MERTK: variants seen among roughly 807,000 people sequenced by gnomAD.
The protein encoded by MERTK is tyrosine-protein kinase Mer.
Under a neutral mutation model 99.3 loss-of-function variants are expected in MERTK, and 69 were observed. The ratio of observed to expected loss-of-function variants is 0.70; its 90% confidence interval spans 0.57 to 0.85. The LOEUF is 0.85. MERTK is among the 40% of genes least tolerant of loss of function. MERTK has a pLI of 0.00. For synonymous variants in MERTK, 426 were observed against 467.6 expected (o/e 0.91, Z 1.15); for missense variants, 1,125 against 1,249.4 (o/e 0.90, Z 1.50).
At chr2:111,920,886 C>T (rs1684444555) in intron 1 of MERTK, among the ~76,000 whole-genome samples, 1 of 152,120 alleles carries the variant, frequency 6.6e-6, no homozygotes, top group Non-Finnish European at 1.5e-5. Flanking sequence ...GAACTCCTGA[C>T]CTCAGGTGAT....
At chr2:111,985,330 G>T (rs755277502) in intron 8 of MERTK, among the ~76,000 whole-genome samples, 1 of 152,118 alleles carries the variant, frequency 6.6e-6, no homozygotes, top group African/African-American at 2.4e-5. Context: ...TTCTAGACAG[G>T]TTCCCTTCCC....
intron 14 of MERTK, chr2:112,008,688 C>G: frequency 1.6e-6 from 1 of 628,870 alleles, no homozygotes; most frequent in South Asian, 1.7e-5. Flanking sequence ...CGCTGATAGG[C>G]TCAGGAATGA....
At chr2:111,964,368 CGTGTGT>C (rs200168355) in intron 4 of MERTK, among the ~76,000 whole-genome samples, 27 of 141,274 alleles carry the variant, frequency 1.9e-4, no homozygotes, top group African/African-American at 4.0e-4. Context: ...ATCATTGTCT[CGTGTGT>C]GTGTGTGTGT....
Position 112,022,293 on chromosome 2 carries a change from G to A in MERTK, c.2385G>A (p.Thr795=), listed in dbSNP as rs774437433. ...AFGVTMWEIA[T]RGMTPYPGVQ... is the part of the protein sequence containing the mutation. ...GCGTGACCATGTGGGAAATAGCTACGCGGGGAATGACTCCCTATCCTGGGG... is the reference window on the plus strand; with the variant it reads ...GCGTGACCATGTGGGAAATAGCTACACGGGGAATGACTCCCTATCCTGGGG... Residue 795 remains threonine (T), a synonymous_variant, in exon 18 of 19, where the codon ACG becomes ACA. Transcript: ENST00000295408. The A allele has an allele frequency of 3.0e-5, 48 of 1,614,104 alleles. No homozygotes were observed. The highest frequency in any genetic ancestry group is 9.9e-5 in the South Asian group (9 of 91,090).
intron 1 of MERTK, among the ~76,000 whole-genome samples, chr2:111,905,442 T>TC (rs1241880408): frequency 7.3e-6 from 1 of 137,514 alleles, no homozygotes; most frequent in Non-Finnish European, 1.6e-5. Flanking sequence ...TCTTTTTTTT[T>TC]TTTTTTTTTT....
chr2:112,013,248 C>T (rs562253106), intron 15 of MERTK: 7 of 154,264 alleles, frequency 4.5e-5, no homozygotes, highest in African/African-American at 1.2e-4. Context: ...ATAAAATCAC[C>T]GAGACTCTTC....
chr2:111,916,216 T>C (rs1010229292), intron 1 of MERTK, among the ~76,000 whole-genome samples: 4 of 152,102 alleles, frequency 2.6e-5, no homozygotes, highest in African/African-American at 9.7e-5. Context: ...AAGCTCCGCC[T>C]CCCGGGTTCA....
rs76361619 is a variant in MERTK, at chr2:112,003,823, C to G, written c.1787-81C>G. The G allele has an allele frequency of 8.7e-3, 11,159 of 1,288,010 alleles. 71 individuals carry two copies. The highest frequency in any genetic ancestry group is 0.011 in the Non-Finnish European group (9,724 of 887,050). The allele number at this position is 1,288,010 out of a possible 1,614,324, so 79.8% of individuals were successfully genotyped here. A position where few individuals can be genotyped will look rare whatever the true frequency, so the allele number is the denominator to read the frequency against. On this transcript the variant is annotated intron_variant, in intron 12 of 18. Transcript: ENST00000295408. Reference sequence around the variant, plus strand: ...GAGTTGCTCTCATACCACATGAAACCAGCAGCTCTGGCACTGTAGCATTTC... The same window carrying G: ...GAGTTGCTCTCATACCACATGAAACGAGCAGCTCTGGCACTGTAGCATTTC...
chr2:112,008,583 C>G, intron 14 of MERTK, 108 bp downstream of exon 14: 1 of 834,920 alleles, frequency 1.2e-6, no homozygotes, highest in Non-Finnish European at 2.1e-6. Flanking sequence ...CGTATAACCC[C>G]AACATAACTT....
rs540798934 is a variant in MERTK at position 112,008,350 on chromosome 2, T to C, written c.1868-33T>C. On this transcript the variant is annotated intron_variant, in intron 13 of 18. Coordinates refer to ENST00000295408, the MANE Select transcript of MERTK (RefSeq NM_006343.3). The stretch of plus-strand genomic sequence containing the variant: ...CCACTCCCCTTAATTGAGTAAATTA[T>C]CCATACTTAACCTTTTCTATTTTCT... The C allele has an allele frequency of 1.8e-5, 28 of 1,533,492 alleles. No individual in the cohort carries two copies. In the South Asian group the frequency reaches 2.6e-4, roughly 14 times the overall value. The allele number at this position is 1,533,492 out of a possible 1,614,324, so 95.0% of individuals were successfully genotyped here.
chr2:111,980,141 C>A (rs1676339529), intron 7 of MERTK, among the ~76,000 whole-genome samples: 1 of 152,178 alleles, frequency 6.6e-6, no homozygotes, highest in South Asian at 2.1e-4. Context: ...AAAGAAGTGT[C>A]CTGCTCCAGG....
At chr2:112,012,501 A>G (rs1205673015) in intron 15 of MERTK, among the ~76,000 whole-genome samples, 1 of 152,028 alleles carries the variant, frequency 6.6e-6, no homozygotes, top group Admixed American at 6.5e-5. Flanking sequence ...GTTGCTTTCT[A>G]GTTGTTCACT....
Position 111,997,307 on chromosome 2 carries a change from A to C in MERTK, c.1451-16A>C, listed in dbSNP as rs748949706. 6.2e-7 allele frequency: 1 copy of C among 1,613,592 alleles called. No homozygotes were observed. The highest frequency in any genetic ancestry group is 1.7e-5 in the Admixed American group (1 of 60,012). On this transcript the variant is annotated splice_polypyrimidine_tract_variant and intron_variant, in intron 9 of 18. Coordinates refer to ENST00000295408, the MANE Select transcript of MERTK (RefSeq NM_006343.3). The stretch of plus-strand genomic sequence containing the variant: ...TATATTTCAAACCCATGACTGGTCT[A>C]TTGGTATCTCACCAGGTTGGGTAGA...
At chr2:111,990,180 C>T (rs1246784590) in intron 8 of MERTK, among the ~76,000 whole-genome samples, 1 of 152,172 alleles carries the variant, frequency 6.6e-6, no homozygotes, top group Non-Finnish European at 1.5e-5. Context: ...TCTTTACATA[C>T]TTGGCACCAA....
In MERTK at chr2:111,911,830, A is replaced by T. The variant is rs190950147; in HGVS notation, c.61+13034A>T. Among the ~76,000 whole-genome samples the T allele has an allele frequency of 8.1e-3, 1,217 of 150,816 alleles. 17 individuals carry two copies. Among genetic ancestry groups the T allele is most frequent in the Non-Finnish European group, 8.7e-3 (589 of 67,850 alleles). On this transcript the variant is annotated intron_variant, in intron 1 of 18. Coordinates refer to ENST00000295408, the MANE Select transcript of MERTK (RefSeq NM_006343.3). The stretch of plus-strand genomic sequence containing the variant: ...CAGCCTGTTGAGTAGCTAGGACTAC[A>T]GGTGCATGCCAACACAGCCAGCTGT...
chr2:112,022,475 A>G (rs778762902), intron 18 of MERTK, 81 bp downstream of exon 18: 25 of 1,597,566 alleles, frequency 1.6e-5, no homozygotes, highest in Middle Eastern at 1.7e-4. Flanking sequence ...AAACACAGCC[A>G]TGGGAGGGGA....
Position 111,918,909 on chromosome 2 carries a change from G to A in MERTK, c.62-10211G>A, listed in dbSNP as rs138396824. Among the ~76,000 whole-genome samples, 721 of 152,280 alleles carry A rather than the reference G, an allele frequency of 4.7e-3. 5 individuals are homozygous for A. Among genetic ancestry groups the A allele is most frequent in the South Asian group, 0.016 (78 of 4,822 alleles). On this transcript the variant is annotated intron_variant, in intron 1 of 18. Coordinates refer to ENST00000295408, the MANE Select transcript of MERTK (RefSeq NM_006343.3). ...TATGTTTTGGGAGTGGCATGATGGA[G>A]AAATTAAACTTGGGGACTCAGCATC...
intron 1 of MERTK, among the ~76,000 whole-genome samples, chr2:111,926,213 AT>A (rs1034170161): frequency 1.0e-3 from 152 of 152,362 alleles, no homozygotes; most frequent in African/African-American, 3.5e-3. Context: ...CTAATTAAAA[AT>A]TTAAAATATT....
intron 1 of MERTK, among the ~76,000 whole-genome samples, chr2:111,907,769 A>C (rs887134515): frequency 2.0e-5 from 3 of 152,260 alleles, no homozygotes; most frequent in African/African-American, 7.2e-5. Context: ...AAATTTAAAA[A>C]ATATTTTGTG....
Sources: gnomAD v4.1 joint callset for allele counts (sites outside exome capture counted in the v4.1 genomes callset) on GRCh38, gnomAD v4.1.1 for gene constraint, MANE v1.5 for transcripts, NCBI Gene and HGNC (gene_info 2026-07-23, HGNC 2026-07-21) for gene names.